Variants in ELFN2 observed in about 807,000 individuals in gnomAD.
ELFN2 encodes the protein protein phosphatase 1 regulatory subunit 29.
Under a neutral mutation model 45.5 loss-of-function variants are expected in ELFN2, and 17 were observed. The observed-to-expected ratio is 0.37, with a 90% CI of 0.26 to 0.56. The LOEUF (loss-of-function observed/expected upper bound fraction) is 0.56, where lower values mean the gene tolerates loss of function less well. Ranked by LOEUF, ELFN2 falls within the 20% of genes least tolerant of loss-of-function variation. The pLI, the probability that ELFN2 is intolerant of heterozygous loss-of-function variation, is 0.77. For synonymous variants in ELFN2, 550 were observed against 551.5 expected (o/e 1.00, Z 0.04); for missense variants, 922 against 1,183.2 (o/e 0.78, Z 3.24).
At chr22:37,346,847 C>T (rs1398435663) in intron 1 of ELFN2, among the ~76,000 whole-genome samples, 2 of 152,102 alleles carry the variant, frequency 1.3e-5, no homozygotes, top group African/African-American at 4.8e-5. Flanking sequence ...CAGTGAAACA[C>T]CGTGGATGCC....
intron 1 of ELFN2, among the ~76,000 whole-genome samples, chr22:37,345,470 G>A (rs1247716256): frequency 6.6e-6 from 1 of 152,064 alleles, no homozygotes; most frequent in Non-Finnish European, 1.5e-5. Context: ...GCACACAGTA[G>A]GTGCTCCACA....
At chr22:37,361,880 G>A (rs1931096554) in intron 1 of ELFN2, among the ~76,000 whole-genome samples, 1 of 152,144 alleles carries the variant, frequency 6.6e-6, no homozygotes. Flanking sequence ...CCGGCCCATA[G>A]GACACCCTCT....
intron 1 of ELFN2, among the ~76,000 whole-genome samples, chr22:37,350,438 C>A (rs1295157522): frequency 6.6e-6 from 1 of 150,482 alleles, no homozygotes; most frequent in Non-Finnish European, 1.5e-5. Flanking sequence ...TGAGCTCTGG[C>A]CACCCAGGGG....
intron 1 of ELFN2, among the ~76,000 whole-genome samples, chr22:37,362,540 A>G (rs1931115071): frequency 6.6e-6 from 1 of 152,004 alleles, no homozygotes; most frequent in African/African-American, 2.4e-5. Flanking sequence ...ATCTCTCGAC[A>G]CTCCACTGGC....
At chr22:37,351,731 G>T (rs1040502628) in intron 1 of ELFN2, among the ~76,000 whole-genome samples, 1 of 150,730 alleles carries the variant, frequency 6.6e-6, no homozygotes, top group African/African-American at 2.4e-5. Flanking sequence ...AGCCCTTCCC[G>T]CTCAGACTGT....
rs564064559 is a variant in ELFN2, at chr22:37,403,269, A to G, written c.-463+14500T>C. On this transcript the variant is annotated intron_variant, in intron 2 of 2. Coordinates refer to ENST00000402918, the MANE Select transcript of ELFN2 (RefSeq NM_052906.5). Reference sequence around the variant, plus strand: ...CTCCCAGCACTGCAGGGACTTGCCCAAGGTCCCACCAAGCCCAGAGTGAAA... The same window carrying G: ...CTCCCAGCACTGCAGGGACTTGCCCGAGGTCCCACCAAGCCCAGAGTGAAA... Among the ~76,000 whole-genome samples, 14 of 148,268 alleles carry G rather than the reference A, an allele frequency of 9.4e-5. No homozygotes were observed. In the East Asian group the frequency reaches 2.5e-3, roughly 26 times the overall value.
chr22:37,347,678 ACAC>A (rs1930730499), intron 1 of ELFN2, among the ~76,000 whole-genome samples: 2 of 145,562 alleles, frequency 1.4e-5, no homozygotes, highest in Non-Finnish European at 3.0e-5. Flanking sequence ...ACACACACAC[ACAC>A]ACAATCAGTG....
chr22:37,412,690 C>T (rs1209915603), intron 2 of ELFN2, among the ~76,000 whole-genome samples: 2 of 152,342 alleles, frequency 1.3e-5, no homozygotes, highest in African/African-American at 4.8e-5. Context: ...GGGTCTTGAG[C>T]AAGGCACCGG....
intron 2 of ELFN2, among the ~76,000 whole-genome samples, chr22:37,403,347 G>A (rs988134017): frequency 6.6e-6 from 1 of 152,150 alleles, no homozygotes; most frequent in African/African-American, 2.4e-5. Context: ...AGGAGTCCCC[G>A]AGGGCATCCC....
rs145177702 is a variant in ELFN2 at position 37,404,297 on chromosome 22, C to T, written c.-463+13472G>A. ...GGCCTGTGAGGAGGCTGCAACGAGA[C>T]GGGCCTGGAGGGTGACTTGGTGCAG... On this transcript the variant is annotated intron_variant, in intron 2 of 2. Transcript: ENST00000402918. Among the ~76,000 whole-genome samples the T allele has an allele frequency of 7.0e-3, 1,071 of 152,106 alleles. 15 individuals are homozygous for T. The highest frequency in any genetic ancestry group is 0.025 in the African/African-American group (1,029 of 41,490).
At chr22:37,419,198 C>G (rs949862980) in intron 1 of ELFN2, among the ~76,000 whole-genome samples, 1 of 151,994 alleles carries the variant, frequency 6.6e-6, no homozygotes, top group African/African-American at 2.4e-5. Context: ...CCCTCACCCC[C>G]TCCCAAAGGC....
chr22:37,348,297 G>A (rs144944779), intron 1 of ELFN2, among the ~76,000 whole-genome samples: 4 of 152,242 alleles, frequency 2.6e-5, no homozygotes, highest in African/African-American at 4.8e-5. Context: ...GAGGGGCACT[G>A]TGCAGAGAGC....
At chr22:37,413,613 G>C (rs1300772554) in intron 2 of ELFN2, among the ~76,000 whole-genome samples, 1 of 149,716 alleles carries the variant, frequency 6.7e-6, no homozygotes, top group Non-Finnish European at 1.5e-5. Flanking sequence ...TGGCAACACT[G>C]GGGAGGAGGC....
In ELFN2 at chr22:37,373,870, G is replaced by T; in HGVS notation, c.1665C>A (p.Leu555=). Reference sequence around the variant, plus strand: ...CCAGAAAAGAGGCCGAGTCCAGCTTGAGAGCATCGATGCAGTTGTTAATGA... The same window carrying T: ...CCAGAAAAGAGGCCGAGTCCAGCTTTAGAGCATCGATGCAGTTGTTAATGA... ...NQIINNCIDA[L]KLDSASFLGG... The change falls in exon 3 of 3, where the codon CTC becomes CTA. Residue 555 remains leucine, a synonymous_variant. Transcript: ENST00000402918. The T allele has an allele frequency of 3.7e-6, 6 of 1,613,434 alleles. No individual in the cohort carries two copies. The highest frequency in any genetic ancestry group is 3.3e-4 in the Middle Eastern group (2 of 6,062).
chr22:37,362,079 G>A (rs1024500079), intron 1 of ELFN2, among the ~76,000 whole-genome samples: 9 of 152,188 alleles, frequency 5.9e-5, no homozygotes, highest in African/African-American at 1.2e-4. Context: ...AAACATGTCC[G>A]GGGCCAACTG....
At position 37,373,383 on chromosome 22, in the gene ELFN2, C is replaced by G. The variant is rs368881782; in HGVS notation, c.2152G>C (p.Glu718Gln). ...TGGCTCAGGCTGTCGGCACCCTCCT[C>G]GTAGTACAGGGCGGGAAAGCTGTGC... ...HRHSFPALYY[E>Q]EGADSLSQRV... Residue 718 changes from glutamate (E) to glutamine (Q), a missense_variant, in exon 3 of 3, where the codon GAG becomes CAG. By Grantham distance (29) the Glu-to-Gln change is conservative. Around this residue, in one of 2 missense-constraint regions of ELFN2, gnomAD observed 564 missense variants for 642.8 expected, o/e 0.88. Transcript: ENST00000402918. 1,112 of 1,610,086 alleles carry G rather than the reference C, an allele frequency of 6.9e-4. No individual in the cohort carries two copies. Among genetic ancestry groups the G allele is most frequent in the Non-Finnish European group, 8.6e-4 (1,019 of 1,178,846 alleles).
intron 2 of ELFN2, among the ~76,000 whole-genome samples, chr22:37,381,451 G>A (rs967738619): frequency 2.7e-4 from 41 of 152,074 alleles, no homozygotes; most frequent in African/African-American, 9.4e-4. Flanking sequence ...CCCACCCCAG[G>A]ACCTTTGCTC....
chr22:37,402,829 C>T (rs532490313), intron 2 of ELFN2, among the ~76,000 whole-genome samples: 41 of 152,260 alleles, frequency 2.7e-4, no homozygotes, highest in Non-Finnish European at 4.4e-4. Flanking sequence ...AGCTGGGCCT[C>T]GTCCCAGCCA....
chr22:37,356,019 G>A (rs1930940402), intron 1 of ELFN2, among the ~76,000 whole-genome samples: 1 of 152,252 alleles, frequency 6.6e-6, no homozygotes. Flanking sequence ...GCCTGAGACA[G>A]GACTTGAGTG....
Sources: allele counts gnomAD v4.1 joint callset (sites outside exome capture counted in the v4.1 genomes callset), GRCh38; gene constraint gnomAD v4.1.1; regional missense constraint gnomAD v4.1.1; transcripts MANE v1.5; gene names NCBI Gene and HGNC (gene_info 2026-07-23, HGNC 2026-07-21).